The following ADGRA3 variants were observed in gnomAD, a reference collection of about 807,000 sequenced individuals.
The protein encoded by ADGRA3 is adhesion G protein-coupled receptor A3.
In ADGRA3, 56 loss-of-function variants were observed where a neutral mutation model predicts 119.8. The observed-to-expected ratio is 0.47, with a 90% CI of 0.38 to 0.58. The LOEUF is 0.58. ADGRA3 is among the 20% of genes least tolerant of loss of function. The pLI, the probability that ADGRA3 is intolerant of heterozygous loss-of-function variation, is 0.00. For synonymous variants in ADGRA3, 607 were observed against 623.8 expected, an observed-to-expected ratio of 0.97 and a Z score of 0.40; for missense variants, 1,516 against 1,649.0, an observed-to-expected ratio of 0.92 and a Z score of 1.40.
At chr4:22,438,186 TA>T in intron 8 of ADGRA3, 69 bp downstream of exon 8, 2 of 1,321,030 alleles carry the variant, frequency 1.5e-6, no homozygotes. Flanking sequence ...AGGAAACCAA[TA>T]ATGTGTCTTA....
intron 1 of ADGRA3, among the ~76,000 whole-genome samples, chr4:22,481,789 T>C (rs1038322623): frequency 3.9e-5 from 6 of 152,218 alleles, no homozygotes; most frequent in Non-Finnish European, 5.9e-5. Context: ...TATTTACTAA[T>C]TGATCTTTTA....
At chr4:22,456,618 A>G (rs1717249067) in intron 3 of ADGRA3, among the ~76,000 whole-genome samples, 1 of 152,096 alleles carries the variant, frequency 6.6e-6, no homozygotes, top group African/African-American at 2.4e-5. Context: ...AGGCTTCCAG[A>G]CTTTGATTGA....
chr4:22,506,689 G>A lies in ADGRA3; in HGVS notation c.257+8839C>T, dbSNP rs114244697. 1.3e-3 allele frequency among the ~76,000 whole-genome samples: 203 copies of A among 151,958 alleles called. 1 individual carries two copies. Among genetic ancestry groups the A allele is most frequent in the Non-Finnish European group, 2.4e-3 (162 of 67,996 alleles). On this transcript the variant is annotated intron_variant, in intron 1 of 18. Transcript: ENST00000334304. ...ACCTCATCTCTGTCCCACTCTACCC[G>A]CTACACATAGGTAATTCCCTTACTA...
intron 12 of ADGRA3, chr4:22,414,695 C>T (rs1577333470): frequency 1.5e-6 from 1 of 648,562 alleles, no homozygotes; most frequent in Non-Finnish European, 2.7e-6. Flanking sequence ...CCTAAGTTCA[C>T]CATATAATTT....
chr4:22,388,401 G>A lies in ADGRA3; in HGVS notation c.3270C>T (p.Pro1090=). 1.2e-6 allele frequency: 2 copies of A among 1,613,994 alleles called. No homozygotes were observed. The highest frequency in any genetic ancestry group is 1.7e-6 in the Non-Finnish European group (2 of 1,179,984). The part of the protein sequence containing the change: ...NGTNGEAPKC[P]NSSAESSCTN... ...TGCATGAAGACTCCGCACTGCTATTGGGGCATTTGGGTGCCTCTCCATTCG... is the reference window on the plus strand; with the variant it reads ...TGCATGAAGACTCCGCACTGCTATTAGGGCATTTGGGTGCCTCTCCATTCG... Residue 1090 remains proline, a synonymous_variant, in exon 19 of 19, where the codon CCC becomes CCT. Transcript: ENST00000334304.
chr4:22,513,554 T>C (rs1324439483), intron 1 of ADGRA3, among the ~76,000 whole-genome samples: 4 of 151,128 alleles, frequency 2.6e-5, no homozygotes, highest in Non-Finnish European at 4.4e-5. Context: ...CTCTGTTACA[T>C]AGGCTGGAGT....
chr4:22,479,107 T>C (rs544599801), intron 1 of ADGRA3, among the ~76,000 whole-genome samples: 40 of 151,874 alleles, frequency 2.6e-4, no homozygotes, highest in African/African-American at 9.4e-4. Flanking sequence ...CAATGGTCAT[T>C]AGAGAAATGC....
intron 12 of ADGRA3, among the ~76,000 whole-genome samples, chr4:22,417,619 G>A (rs977784764): frequency 2.0e-5 from 3 of 152,180 alleles, no homozygotes; most frequent in Admixed American, 6.5e-5. Context: ...TCTGGCTACA[G>A]AGAGACCACA....
intron 3 of ADGRA3, among the ~76,000 whole-genome samples, chr4:22,460,457 G>C (rs1039360327): frequency 2.6e-5 from 4 of 152,140 alleles, no homozygotes; most frequent in Non-Finnish European, 5.9e-5. Context: ...AGAGGGCTTT[G>C]GACCCTTATC....
rs557079152 is a variant in ADGRA3 at position 22,465,592 on chromosome 4, T to C, written c.330-3784A>G. Among the ~76,000 whole-genome samples, 30 of 152,304 alleles carry C rather than the reference T, an allele frequency of 2.0e-4. No individual in the cohort carries two copies. In the South Asian group the frequency reaches 5.8e-3, roughly 30 times the overall value. ...GTTTGGATGCACAAACCAGTAAATA[T>C]AGTGAGTTGGTGTCTATCACTTATC... On this transcript the variant is annotated intron_variant, in intron 2 of 18. Coordinates refer to ENST00000334304, the MANE Select transcript of ADGRA3 (RefSeq NM_145290.4).
rs558030696 is a variant in ADGRA3, at chr4:22,515,555, T to G, written c.230A>C (p.Asp77Ala). The G allele has an allele frequency of 2.5e-6, 4 of 1,604,630 alleles. No homozygotes were observed. The South Asian group carries it at 3.3e-5, about 13-fold the overall frequency. ...GGTGACCGTGCGGTTGGGCAGAGTA[T>G]CTGGGGGCAGGACCTGCGCGAGTTC... ...SLELAQVLPP[D>A]TLPNRTVTLI... Residue 77 changes from aspartate to alanine, a missense_variant, in exon 1 of 19, where the codon GAT (aspartate) becomes GCT (alanine). Physicochemically the swap from Asp to Ala is moderately radical, Grantham distance 126. This residue lies in a region of ADGRA3 where 428 missense variants were observed against 541.9 expected (regional missense o/e 0.79). Transcript: ENST00000334304.
chr4:22,397,185 T>C, intron 16 of ADGRA3, among the ~76,000 whole-genome samples: 1 of 144,818 alleles, frequency 6.9e-6, no homozygotes, highest in East Asian at 2.1e-4. Flanking sequence ...CTTTTTTTTT[T>C]TTTTTTTTTT....
At chr4:22,478,388 T>C (rs934737762) in intron 1 of ADGRA3, among the ~76,000 whole-genome samples, 4 of 152,194 alleles carry the variant, frequency 2.6e-5, no homozygotes, top group Non-Finnish European at 5.9e-5. Flanking sequence ...TGGAAAACTG[T>C]TGACAACACT....
chr4:22,498,101 C>T (rs1444396354), intron 1 of ADGRA3, among the ~76,000 whole-genome samples: 2 of 151,252 alleles, frequency 1.3e-5, no homozygotes, highest in African/African-American at 2.4e-5. Context: ...ATTAGCCGGG[C>T]GTGCTGGCAG....
intron 1 of ADGRA3, among the ~76,000 whole-genome samples, chr4:22,476,320 C>T (rs1718042679): frequency 6.6e-6 from 1 of 152,146 alleles, no homozygotes; most frequent in Admixed American, 6.5e-5. Context: ...ACTCACCAAA[C>T]TGACAAAAGG....
At chr4:22,494,672 A>AT (rs1345068242) in intron 1 of ADGRA3, among the ~76,000 whole-genome samples, 1 of 151,904 alleles carries the variant, frequency 6.6e-6, no homozygotes, top group Admixed American at 6.6e-5. Context: ...GGAGTTTTAC[A>AT]TTTTTTTAGT....
chr4:22,434,406 A>G (rs191432349), intron 10 of ADGRA3, among the ~76,000 whole-genome samples: 1 of 152,142 alleles, frequency 6.6e-6, no homozygotes, highest in African/African-American at 2.4e-5. Context: ...GCACTTTTAG[A>G]GTTCCAAGTC....
At chr4:22,513,845 CAAAAAAAAAAAAA>C (rs59015584) in intron 1 of ADGRA3, among the ~76,000 whole-genome samples, 29 of 31,478 alleles carry the variant, frequency 9.2e-4, no homozygotes, top group African/African-American at 2.7e-3. Context: ...AGCTTTCAGG[CAAAAAAAAAAAAA>C]AAAAAAAAAA....
At chr4:22,414,621 C>A (rs764981416) in intron 12 of ADGRA3, 3 of 698,868 alleles carry the variant, frequency 4.3e-6, no homozygotes, top group African/African-American at 1.8e-5. Flanking sequence ...AGAAACAAAT[C>A]GAATCATGTT....
Sources: allele counts gnomAD v4.1 joint callset (sites outside exome capture counted in the v4.1 genomes callset), GRCh38; gene constraint gnomAD v4.1.1; regional missense constraint gnomAD v4.1.1; transcripts MANE v1.5; gene names NCBI Gene and HGNC (gene_info 2026-07-23, HGNC 2026-07-21).